TYW1: variants seen among roughly 807,000 people sequenced by gnomAD.
The protein encoded by TYW1 is S-adenosyl-L-methionine-dependent tRNA 4-demethylwyosine synthase TYW1.
Under a neutral mutation model 96.2 loss-of-function variants are expected in TYW1, and 46 were observed. The observed-to-expected ratio is 0.48, with a 90% CI of 0.38 to 0.61. The LOEUF is 0.61. TYW1 is among the 20% of genes least tolerant of loss of function. The probability of loss-of-function intolerance (pLI) is 0.00; values close to 1 mark genes in which losing one functional copy is unlikely to be tolerated. For synonymous variants in TYW1, 274 were observed against 323.0 expected (o/e 0.85, Z 1.63); for missense variants, 684 against 909.6 (o/e 0.75, Z 3.19).
rs965047069 is a variant in TYW1 at position 67,206,912 on chromosome 7, G to A, written c.1977+11575G>A. Among the ~76,000 whole-genome samples, 4 of 152,136 alleles carry A rather than the reference G, an allele frequency of 2.6e-5. No individual in the cohort carries two copies. The East Asian group carries it at 7.7e-4, about 29-fold the overall frequency. ...AACACCTAATCATTTTATTGGATTT[G>A]TAATGGCCTTCACAATCGGTTCCTT... On this transcript the variant is annotated intron_variant, in intron 15 of 15. Transcript: ENST00000359626.
intron 13 of TYW1, among the ~76,000 whole-genome samples, chr7:67,142,201 T>G (rs1326760637): frequency 2.0e-5 from 3 of 150,152 alleles, no homozygotes; most frequent in African/African-American, 7.4e-5. Context: ...GCTCAAACAA[T>G]CCTCCCACCT....
intron 11 of TYW1, among the ~76,000 whole-genome samples, chr7:67,093,524 T>C (rs1313812686): frequency 1.3e-5 from 2 of 152,224 alleles, no homozygotes; most frequent in Non-Finnish European, 2.9e-5. Flanking sequence ...CCTGCCTTTC[T>C]ACTCAGCTGC....
At chr7:67,219,844 G>A (rs894368745) in intron 15 of TYW1, among the ~76,000 whole-genome samples, 3 of 124,632 alleles carry the variant, frequency 2.4e-5, no homozygotes, top group Non-Finnish European at 3.3e-5. Flanking sequence ...GGGTTTTGTG[G>A]GTTTTTTTTT....
chr7:67,073,321 G>A (rs1362786487), intron 10 of TYW1, among the ~76,000 whole-genome samples: 3 of 152,078 alleles, frequency 2.0e-5, no homozygotes, highest in Non-Finnish European at 4.4e-5. Flanking sequence ...GGCTGGGGAC[G>A]TTGCTAAGCA....
intron 15 of TYW1, among the ~76,000 whole-genome samples, chr7:67,237,324 C>G (rs1801919559): frequency 6.9e-6 from 1 of 145,058 alleles, no homozygotes; most frequent in Non-Finnish European, 1.5e-5. Context: ...CACGGTGAAA[C>G]CCCGTCTCTA....
In TYW1 at chr7:67,009,840, T is replaced by A. The variant is rs1230922599; in HGVS notation, c.375+156T>A. The A allele has an allele frequency of 4.2e-6, 3 of 716,764 alleles. No homozygotes were observed. In the African/African-American group the frequency reaches 5.5e-5, roughly 13 times the overall value. 44.4% of individuals were successfully genotyped at this position (716,764 alleles called of 1,614,324 possible). ...TTGAATTCCAGTGTGAATCAGAGAA[T>A]TGAATGTGGGGTAAGGTTCACTGAT... On this transcript the variant is annotated intron_variant, in intron 4 of 15. Coordinates refer to ENST00000359626, the MANE Select transcript of TYW1 (RefSeq NM_018264.4).
intron 15 of TYW1, among the ~76,000 whole-genome samples, chr7:67,210,940 CCAT>C (rs1800995874): frequency 6.6e-6 from 1 of 151,346 alleles, no homozygotes; most frequent in Non-Finnish European, 1.5e-5. Flanking sequence ...ATCCATCCAT[CCAT>C]CATCTGTCTG....
At chr7:67,050,992 A>C (rs1036915869) in intron 8 of TYW1, among the ~76,000 whole-genome samples, 1 of 151,766 alleles carries the variant, frequency 6.6e-6, no homozygotes, top group East Asian at 1.9e-4. Context: ...CCTGGGTTCA[A>C]GTGATTCTCC....
chr7:67,177,726 G>A (rs1799718382), intron 13 of TYW1, among the ~76,000 whole-genome samples: 4 of 152,178 alleles, frequency 2.6e-5, no homozygotes, highest in Admixed American at 1.3e-4. Flanking sequence ...GATACAACGC[G>A]GGTGAAAGTG....
At position 67,018,015 on chromosome 7, in the gene TYW1, A is replaced by G. The variant is rs752077181; in HGVS notation, c.733A>G (p.Lys245Glu). 1.9e-6 allele frequency: 3 copies of G among 1,614,116 alleles called. No individual in the cohort carries two copies. Among genetic ancestry groups the G allele is most frequent in the South Asian group, 1.1e-5 (1 of 91,078 alleles). The change falls in exon 6 of 16, where the codon AAA becomes GAA. Residue 245 changes from lysine to glutamate, a missense_variant. Coordinates refer to ENST00000359626, the MANE Select transcript of TYW1 (RefSeq NM_018264.4). ...CATCTCCCAGCTGCAGGCACTTCAG[A>G]AAGGGGAGAGAAAGAAGTCCTGTGG... is the stretch of plus-strand genomic sequence containing the variant. ...KFISQLQALQ[K>E]GERKKSCGGH...
intron 7 of TYW1, among the ~76,000 whole-genome samples, chr7:67,029,991 G>A (rs1369815912): frequency 6.6e-6 from 1 of 152,326 alleles, no homozygotes; most frequent in Non-Finnish European, 1.5e-5. Context: ...GGTCAAGGAA[G>A]AGATACTCTG....
chr7:67,194,949 T>C (rs1369811580), intron 14 of TYW1, among the ~76,000 whole-genome samples: 2 of 145,560 alleles, frequency 1.4e-5, no homozygotes, highest in African/African-American at 2.6e-5. Flanking sequence ...GCCCCAGCAA[T>C]GTCATAGAGT....
At chr7:67,206,730 A>G (rs1800813978) in intron 15 of TYW1, among the ~76,000 whole-genome samples, 1 of 152,200 alleles carries the variant, frequency 6.6e-6, no homozygotes, top group African/African-American at 2.4e-5. Flanking sequence ...AACAAACCCT[A>G]AAGACTAGAA....
intron 6 of TYW1, among the ~76,000 whole-genome samples, chr7:67,019,134 TC>T (rs1794137957): frequency 6.6e-6 from 1 of 152,130 alleles, no homozygotes; most frequent in Non-Finnish European, 1.5e-5. Context: ...ACATCAGCCT[TC>T]CCCGTGTCTG....
intron 7 of TYW1, among the ~76,000 whole-genome samples, chr7:67,036,532 C>T (rs1584488918): frequency 6.6e-6 from 1 of 152,048 alleles, no homozygotes; most frequent in Non-Finnish European, 1.5e-5. Flanking sequence ...AAAGTGAGGA[C>T]ATTCAGCTTC....
At chr7:67,150,011 A>G (rs1798748310) in intron 13 of TYW1, among the ~76,000 whole-genome samples, 1 of 151,736 alleles carries the variant, frequency 6.6e-6, no homozygotes, top group African/African-American at 2.4e-5. Context: ...TATGAAAGCA[A>G]ATTACCATCT....
chr7:67,064,270 G>A (rs986412079), intron 9 of TYW1, among the ~76,000 whole-genome samples: 3 of 152,182 alleles, frequency 2.0e-5, no homozygotes, highest in South Asian at 2.1e-4. Context: ...GAAATGGGAA[G>A]AATAGTTCAC....
intron 12 of TYW1, among the ~76,000 whole-genome samples, chr7:67,103,248 A>T (rs1258191452): frequency 6.6e-6 from 1 of 152,272 alleles, no homozygotes; most frequent in African/African-American, 2.4e-5. Context: ...GGTTGAGGAC[A>T]TAATCTTTCA....
chr7:67,147,537 G>A (rs1194787290), intron 13 of TYW1, among the ~76,000 whole-genome samples: 2 of 152,084 alleles, frequency 1.3e-5, no homozygotes, highest in Admixed American at 1.3e-4. Context: ...TATTAAGCCT[G>A]CTACCCATTT....
Sources: gnomAD v4.1 joint callset for allele counts (sites outside exome capture counted in the v4.1 genomes callset) on GRCh38, gnomAD v4.1.1 for gene constraint, MANE v1.5 for transcripts, NCBI Gene and HGNC (gene_info 2026-07-23, HGNC 2026-07-21) for gene names.